The following GNB1 variants were observed in gnomAD, a reference collection of about 807,000 sequenced individuals.
GNB1 encodes guanine nucleotide-binding protein G(I)/G(S)/G(T) subunit beta-1.
In GNB1, 2 loss-of-function variants were observed where a neutral mutation model predicts 42.9. That is an observed-to-expected ratio of 0.05 (90% CI 0.02 to 0.15). The LOEUF is 0.15. GNB1 is among the 10% of genes least tolerant of loss of function. The pLI is 1.00. For missense variants in GNB1, 193 were observed against 462.2 expected (o/e 0.42, Z 5.34); for synonymous variants, 183 against 174.7 (o/e 1.05, Z -0.38).
chr1:1,877,634 A>G (rs1375795364), intron 1 of GNB1, among the ~76,000 whole-genome samples: 2 of 152,142 alleles, frequency 1.3e-5, no homozygotes, highest in African/African-American at 4.8e-5. Flanking sequence ...CACCATGCCA[A>G]GCCCCTAATT....
intron 1 of GNB1, among the ~76,000 whole-genome samples, chr1:1,870,459 A>G (rs891585910): frequency 6.6e-6 from 1 of 152,212 alleles, no homozygotes; most frequent in Non-Finnish European, 1.5e-5. Context: ...TACAGGGATT[A>G]TAGTTATAAG....
At chr1:1,817,563 T>G in intron 4 of GNB1, 2 of 274,430 alleles carry the variant, frequency 7.3e-6, no homozygotes, top group Non-Finnish European at 1.4e-5. Context: ...GAGAGGAGCT[T>G]CAAAATATCT....
intron 1 of GNB1, among the ~76,000 whole-genome samples, chr1:1,870,289 C>T (rs959641258): frequency 1.3e-5 from 2 of 152,230 alleles, no homozygotes; most frequent in African/African-American, 4.8e-5. Flanking sequence ...CTCCTTCTGC[C>T]TCAGCCATCC....
At chr1:1,819,123 T>A (rs1256863709) in intron 3 of GNB1, among the ~76,000 whole-genome samples, 3 of 152,086 alleles carry the variant, frequency 2.0e-5, no homozygotes, top group African/African-American at 7.2e-5. Context: ...AAAGAGAACG[T>A]ACGTTTAGAA....
intron 1 of GNB1, among the ~76,000 whole-genome samples, chr1:1,869,011 C>T (rs887793383): frequency 1.3e-5 from 2 of 151,008 alleles, no homozygotes; most frequent in African/African-American, 2.4e-5. Context: ...GGTGAAACCC[C>T]GTCTCTACTA....
At chr1:1,827,151 G>A (rs952351323) in intron 2 of GNB1, among the ~76,000 whole-genome samples, 5 of 152,150 alleles carry the variant, frequency 3.3e-5, no homozygotes, top group African/African-American at 9.7e-5. Context: ...GAAACTATCC[G>A]ATGACCTAAG....
chr1:1,851,683 AAC>A (rs1193372625), intron 1 of GNB1, among the ~76,000 whole-genome samples: 6 of 152,226 alleles, frequency 3.9e-5, no homozygotes, highest in Non-Finnish European at 7.3e-5. Flanking sequence ...TGAAGATGCA[AAC>A]AGTCTTGCAG....
At position 1,804,426 on chromosome 1, in the gene GNB1, T is replaced by C. The variant is rs751949845; in HGVS notation, c.423A>G (p.Gly141=). The C allele has an allele frequency of 6.2e-7, 1 of 1,612,956 alleles. No homozygotes were observed. Among genetic ancestry groups the C allele is most frequent in the Non-Finnish European group, 8.5e-7 (1 of 1,179,034 alleles). Residue 141 remains glycine (G), a synonymous_variant, in exon 7 of 12, where the codon GGA becomes GGG. Transcript: ENST00000378609. ...ATGAACAAGGACAGGTACCTGTGTG[T>C]CCTGCCAGCTCACGACTCACGCGCA... ...GNVRVSRELA[G]HTGYLSCCRF...
chr1:1,849,976 T>A (rs1570712560), intron 1 of GNB1, among the ~76,000 whole-genome samples: 2 of 147,494 alleles, frequency 1.4e-5, no homozygotes, highest in East Asian at 3.9e-4. Flanking sequence ...ACTCAACACT[T>A]TTTTTTTGTT....
intron 7 of GNB1, among the ~76,000 whole-genome samples, chr1:1,795,751 T>TCAAAAATA (rs1553192938): frequency 6.6e-6 from 1 of 150,764 alleles, no homozygotes; most frequent in East Asian, 2.0e-4. Flanking sequence ...AGACTCTGCC[T>TCAAAAATA]CAAAAAAACA....
intron 1 of GNB1, among the ~76,000 whole-genome samples, chr1:1,877,786 T>G (rs952957583): frequency 1.3e-5 from 2 of 152,078 alleles, no homozygotes; most frequent in Non-Finnish European, 2.9e-5. Context: ...TTGGGGAGTT[T>G]AAAGAGAGAA....
chr1:1,852,312 T>C (rs1042817051), intron 1 of GNB1, among the ~76,000 whole-genome samples: 7 of 151,850 alleles, frequency 4.6e-5, no homozygotes, highest in Non-Finnish European at 7.4e-5. Flanking sequence ...CACTGCAAGC[T>C]CCGCCTCCCG....
At chr1:1,850,198 T>C (rs1015269386) in intron 1 of GNB1, among the ~76,000 whole-genome samples, 34 of 152,030 alleles carry the variant, frequency 2.2e-4, no homozygotes, top group Non-Finnish European at 1.0e-4. Flanking sequence ...TGGCGGGATC[T>C]TGGCTCACCA....
intron 1 of GNB1, among the ~76,000 whole-genome samples, chr1:1,869,185 C>CAAAAAAAAAAAA (rs71578347): frequency 3.7e-5 from 1 of 26,746 alleles, no homozygotes; most frequent in African/African-American, 1.3e-4. Context: ...GACACCTTCT[C>CAAAAAAAAAAAA]AAAAAAAAAA....
At chr1:1,838,156 T>C (rs1204585037) in intron 2 of GNB1, among the ~76,000 whole-genome samples, 7 of 152,002 alleles carry the variant, frequency 4.6e-5, no homozygotes, top group African/African-American at 7.2e-5. Flanking sequence ...AGAGCTGAGA[T>C]TGCACCACTG....
At chr1:1,869,527 T>C (rs1440439364) in intron 1 of GNB1, among the ~76,000 whole-genome samples, 1 of 152,088 alleles carries the variant, frequency 6.6e-6, no homozygotes, top group Admixed American at 6.6e-5. Context: ...TTTCCTACTG[T>C]CCCTGCTTCC....
intron 3 of GNB1, chr1:1,818,109 C>T (rs1017265358): frequency 2.7e-5 from 11 of 402,408 alleles, no homozygotes; most frequent in African/African-American, 1.8e-4. Flanking sequence ...CTAAGACCTG[C>T]AGCACAATAT....
At chr1:1,792,250 T>C (rs1320691850) in intron 8 of GNB1, among the ~76,000 whole-genome samples, 2 of 152,142 alleles carry the variant, frequency 1.3e-5, no homozygotes, top group Non-Finnish European at 2.9e-5. Context: ...CGTCTGTTAT[T>C]TTTAGTCTGT....
At chr1:1,865,009 TCC>T (rs1648846362) in intron 1 of GNB1, among the ~76,000 whole-genome samples, 1 of 152,198 alleles carries the variant, frequency 6.6e-6, no homozygotes, top group Non-Finnish European at 1.5e-5. Flanking sequence ...ATGCCTGTAA[TCC>T]CAGCACTTTG....
Sources: gnomAD v4.1 joint callset for allele counts (sites outside exome capture counted in the v4.1 genomes callset) on GRCh38, gnomAD v4.1.1 for gene constraint, MANE v1.5 for transcripts, NCBI Gene and HGNC (gene_info 2026-07-23, HGNC 2026-07-21) for gene names.